Variants in ERCC6 observed in about 807,000 individuals in gnomAD.
ERCC6 encodes ERCC excision repair 6, chromatin remodeling factor.
Under a neutral mutation model 158.7 loss-of-function variants are expected in ERCC6, and 116 were observed. The observed-to-expected ratio is 0.73, with a 90% CI of 0.63 to 0.85. The LOEUF is 0.85. ERCC6 is among the 40% of genes least tolerant of loss of function. The pLI, the probability that ERCC6 is intolerant of heterozygous loss-of-function variation, is 0.00. For missense variants in ERCC6, 1,698 were observed against 1,799.4 expected (o/e 0.94, Z 1.02); for synonymous variants, 678 against 659.3 (o/e 1.03, Z -0.43).
intron 19 of ERCC6, among the ~76,000 whole-genome samples, chr10:49,460,899 A>C (rs952202095): frequency 6.6e-6 from 1 of 150,576 alleles, no homozygotes; most frequent in Admixed American, 6.6e-5. Context: ...TAAAAAAAGA[A>C]AAAAAAAAAG....
Position 49,460,410 on chromosome 10 carries a change from T to G in ERCC6, c.4025A>C (p.Gln1342Pro). The G allele has an allele frequency of 1.2e-6, 2 of 1,613,872 alleles. No homozygotes were observed. The highest frequency in any genetic ancestry group is 1.1e-5 in the South Asian group (1 of 91,082). The change falls in exon 20 of 21, where the codon CAG becomes CCG. Residue 1342 changes from glutamine (Q) to proline (P), a missense_variant. Coordinates refer to ENST00000355832, the MANE Select transcript of ERCC6 (RefSeq NM_000124.4). ...TGTTGGAGATGTTGATGAAGGATGCTGCACAGAGAAGTTAGAATTCCTTTT... is the reference window on the plus strand; with the variant it reads ...TGTTGGAGATGTTGATGAAGGATGCGGCACAGAGAAGTTAGAATTCCTTTT... ...GKKRNSNFSVQHPSSTSPTEK... is the reference protein window; with the variant it reads ...GKKRNSNFSVPHPSSTSPTEK...
intron 18 of ERCC6, among the ~76,000 whole-genome samples, chr10:49,464,857 T>C (rs1850646176): frequency 1.3e-5 from 2 of 152,228 alleles, no homozygotes; most frequent in African/African-American, 4.8e-5. Flanking sequence ...TGGAAACTCC[T>C]AGATGCCCAG....
chr10:49,537,773 CCTCCGCCAGG>C (rs1027403649), intron 1 of ERCC6, among the ~76,000 whole-genome samples: 57 of 152,008 alleles, frequency 3.7e-4, no homozygotes, highest in Non-Finnish European at 5.4e-4. Context: ...TGGAGTGCAA[CCTCCGCCAGG>C]CTCCGCCAGG....
intron 12 of ERCC6, 120 bp downstream of exon 12, chr10:49,476,095 G>T: frequency 2.6e-6 from 2 of 760,066 alleles, no homozygotes; most frequent in South Asian, 2.9e-5. Flanking sequence ...GGGACTTCAT[G>T]CAAGTGAAGT....
chr10:49,438,661 G>A, the ERCC6 span, among the ~76,000 whole-genome samples: 3 of 152,096 alleles, frequency 2.0e-5, no homozygotes, highest in African/African-American at 7.2e-5. Flanking sequence ...ACTCATTTCA[G>A]TATGAACCCA....
rs375669224 is a variant in ERCC6, at chr10:49,473,480, A to T, written c.2706T>A (p.Asn902Lys). Residue 902 changes from asparagine to lysine, a missense_variant, in exon 14 of 21, where the codon AAT (asparagine) becomes AAA (lysine). Coordinates refer to ENST00000355832, the MANE Select transcript of ERCC6 (RefSeq NM_000124.4). ...CCCTGTTACATTCACATGTTACCTC[A>T]TTGTATCTCGTAATCAGTGGCTGTC... ...ASRQPLITRY[N>K]EDTSIFVFLL... 1 of 1,585,148 alleles carries T rather than the reference A, an allele frequency of 6.3e-7. No homozygotes were observed.
At chr10:49,475,708 G>A (rs1057374523) in intron 12 of ERCC6, among the ~76,000 whole-genome samples, 7 of 152,152 alleles carry the variant, frequency 4.6e-5, no homozygotes, top group South Asian at 2.1e-4. Context: ...TCCTACCCTG[G>A]GGACAATGAG....
intron 5 of ERCC6, chr10:49,516,546 C>G: frequency 6.2e-7 from 1 of 1,614,030 alleles, no homozygotes; most frequent in South Asian, 1.1e-5. Context: ...GACATAACCA[C>G]TCAGAAAAAT....
At chr10:49,474,006 G>A (rs376583550) in intron 13 of ERCC6, 21 bp downstream of exon 13, 148 of 1,606,302 alleles carry the variant, frequency 9.2e-5, no homozygotes, top group East Asian at 1.8e-4. Context: ...CCTGTTTCCC[G>A]TCTGAAGTCT....
intron 9 of ERCC6, 24 bp downstream of exon 9, chr10:49,483,322 C>G: frequency 1.2e-6 from 2 of 1,612,434 alleles, no homozygotes; most frequent in Non-Finnish European, 1.7e-6. Flanking sequence ...ACTTGGAAAT[C>G]TCCCTTGTTA....
chr10:49,516,343 T>C lies in ERCC6; in HGVS notation c.1397+7690A>G, dbSNP rs1466592098. ...TATGTTTCATTTGGAACAAATTTCATGCATCTCTCATTAAGTTTGCTTATG... is the reference window on the plus strand; with the variant it reads ...TATGTTTCATTTGGAACAAATTTCACGCATCTCTCATTAAGTTTGCTTATG... On this transcript the variant is annotated intron_variant, in intron 5 of 20. Coordinates refer to ENST00000355832, the MANE Select transcript of ERCC6 (RefSeq NM_000124.4). 3.7e-6 allele frequency: 6 copies of C among 1,614,030 alleles called. No homozygotes were observed. The South Asian group carries it at 4.4e-5, about 12-fold the overall frequency.
At chr10:49,525,606 C>G (rs536077729) in intron 4 of ERCC6, among the ~76,000 whole-genome samples, 14 of 152,268 alleles carry the variant, frequency 9.2e-5, no homozygotes, top group African/African-American at 3.4e-4. Context: ...AGGAAGGAAT[C>G]CATATTCTAA....
At chr10:49,451,047 A>G (rs185392182), downstream of ERCC6, among the ~76,000 whole-genome samples, 408 of 152,022 alleles carry the variant, frequency 2.7e-3, 3 homozygotes, top group Middle Eastern at 6.8e-3. Context: ...TCCTGACCTC[A>G]TGATCCACCT....
chr10:49,467,436 C>T (rs576528024), intron 18 of ERCC6, among the ~76,000 whole-genome samples: 1 of 152,070 alleles, frequency 6.6e-6, no homozygotes, highest in Non-Finnish European at 1.5e-5. Flanking sequence ...AGTGGTATCT[C>T]GTTATGGTTC....
At chr10:49,505,802 A>G (rs1851432495) in intron 6 of ERCC6, 82 bp downstream of exon 6, 1 of 1,553,312 alleles carries the variant, frequency 6.4e-7, no homozygotes. Context: ...GCCCACAGGT[A>G]ACTACTATGT....
intron 1 of ERCC6, among the ~76,000 whole-genome samples, chr10:49,533,746 T>C (rs1395670365): frequency 6.6e-6 from 1 of 152,170 alleles, no homozygotes; most frequent in East Asian, 1.9e-4. Flanking sequence ...GAGGCTGCAG[T>C]GAGCCATGAT....
chr10:49,492,731 G>T (rs1851196279), intron 8 of ERCC6, among the ~76,000 whole-genome samples: 1 of 152,206 alleles, frequency 6.6e-6, no homozygotes. Context: ...CCAATTAAGA[G>T]TTGTTATTTT....
intron 6 of ERCC6, 118 bp downstream of exon 6, chr10:49,505,766 A>T: frequency 8.1e-7 from 1 of 1,235,440 alleles, no homozygotes; most frequent in Non-Finnish European, 1.1e-6. Context: ...CTGTTTTTGC[A>T]ACAAATTGCT....
At chr10:49,490,287 G>A (rs375195488) in intron 8 of ERCC6, among the ~76,000 whole-genome samples, 2 of 152,104 alleles carry the variant, frequency 1.3e-5, no homozygotes, top group African/African-American at 4.8e-5. Flanking sequence ...GGCAACTTGG[G>A]GAAGAAGAAT....
Sources: gnomAD v4.1 joint callset for allele counts (sites outside exome capture counted in the v4.1 genomes callset) on GRCh38, gnomAD v4.1.1 for gene constraint, MANE v1.5 for transcripts, NCBI Gene and HGNC (gene_info 2026-07-23, HGNC 2026-07-21) for gene names.